The following PPP4R4 variants were observed in gnomAD, a reference collection of about 807,000 sequenced individuals.
PPP4R4 encodes protein phosphatase 4 regulatory subunit 4.
A neutral mutation model predicts 121.8 loss-of-function variants in PPP4R4; 70 were observed. The ratio of observed to expected loss-of-function variants is 0.57; its 90% CI spans 0.47 to 0.70. The LOEUF (loss-of-function observed/expected upper bound fraction) is 0.70, where lower values mean the gene tolerates loss of function less well. Among genes scored for constraint, PPP4R4 ranks in the 30% least tolerant of loss-of-function variants. The pLI is 0.00. For synonymous variants in PPP4R4, 348 were observed against 355.7 expected, an observed-to-expected ratio of 0.98 and a Z score of 0.24; for missense variants, 875 against 1,033.6, an observed-to-expected ratio of 0.85 and a Z score of 2.10.
intron 2 of PPP4R4, 79 bp from the exon 3 acceptor site, chr14:94,208,385 A>G (rs1488546715): frequency 4.0e-6 from 4 of 1,004,036 alleles, no homozygotes; most frequent in East Asian, 2.9e-5. Context: ...CATTTTTCCA[A>G]TTAGTCCATA....
At chr14:94,197,819 A>AT (rs980089863) in intron 2 of PPP4R4, among the ~76,000 whole-genome samples, 17 of 151,994 alleles carry the variant, frequency 1.1e-4, no homozygotes, top group South Asian at 2.1e-4. Context: ...CAGTAGTATT[A>AT]TTTTTTTTGT....
At chr14:94,208,358 T>C in intron 2 of PPP4R4, 106 bp from the exon 3 acceptor site, 2 of 729,530 alleles carry the variant, frequency 2.7e-6, no homozygotes, top group Non-Finnish European at 4.1e-6. Flanking sequence ...GTCTGAGTGC[T>C]TAACATTCAA....
chr14:94,241,677 C>A (rs1892643085), intron 9 of PPP4R4, 111 bp from the exon 10 acceptor site: 1 of 757,530 alleles, frequency 1.3e-6, no homozygotes, highest in South Asian at 2.1e-5. Context: ...GTATCTGTAA[C>A]CATTTATTTA....
In PPP4R4 at chr14:94,244,544, A is replaced by G. The variant is rs1197849440; in HGVS notation, c.1267-91A>G. 1.1e-5 allele frequency: 11 copies of G among 1,037,438 alleles called. No homozygotes were observed. In the Admixed American group the frequency reaches 1.6e-4, roughly 15 times the overall value. The allele number at this position is 1,037,438 out of a possible 1,614,324, so 64.3% of individuals were successfully genotyped here. ...AACATGGCTTTATTTTAGAAGAAAT[A>G]TATAACAAGGATGTATTTTTAAAAA... On this transcript the variant is annotated intron_variant, in intron 11 of 24. Transcript: ENST00000304338.
chr14:94,231,128 G>T, intron 4 of PPP4R4, 114 bp from the exon 5 acceptor site: 1 of 794,562 alleles, frequency 1.3e-6, no homozygotes, highest in South Asian at 2.6e-5. Context: ...GAATAGTAAT[G>T]AAAATAATTA....
At chr14:94,234,320 A>G (rs1892210640) in intron 6 of PPP4R4, among the ~76,000 whole-genome samples, 1 of 152,238 alleles carries the variant, frequency 6.6e-6, no homozygotes, top group Admixed American at 6.5e-5. Context: ...AGCTATAGAC[A>G]TTTCAACTGC....
chr14:94,218,693 ACGCG>A (rs1190953999), intron 3 of PPP4R4, among the ~76,000 whole-genome samples: 14 of 76,502 alleles, frequency 1.8e-4, no homozygotes, highest in African/African-American at 7.2e-4. Flanking sequence ...TAGACACTGC[ACGCG>A]CGCGCGCGCA....
At chr14:94,268,818 C>T (rs963183417) in intron 23 of PPP4R4, among the ~76,000 whole-genome samples, 1 of 152,082 alleles carries the variant, frequency 6.6e-6, no homozygotes, top group African/African-American at 2.4e-5. Context: ...CCCCATGATT[C>T]AGTTACCTCC....
chr14:94,241,386 C>T (rs994794244), intron 9 of PPP4R4, among the ~76,000 whole-genome samples: 1 of 151,988 alleles, frequency 6.6e-6, no homozygotes. Flanking sequence ...TAAGCTCCTT[C>T]CCTGCAGAGA....
At chr14:94,275,634 A>G in intron 24 of PPP4R4, 113 bp downstream of exon 24, 2 of 1,219,434 alleles carry the variant, frequency 1.6e-6, no homozygotes, top group Non-Finnish European at 2.3e-6. Context: ...TGATGAGAAA[A>G]TGTTATAAAT....
chr14:94,227,320 T>C (rs768456428), intron 3 of PPP4R4: 1 of 1,612,576 alleles, frequency 6.2e-7, no homozygotes, highest in South Asian at 1.1e-5. Flanking sequence ...ATCCAGAGAG[T>C]ATGGATCTCA....
Position 94,174,471 on chromosome 14 carries a change from TCCGCCGCCGCCCG to T in PPP4R4, c.14_26del (p.Pro5ArgfsTer36). ...GCGAGAGTGCCCGGCGGTCCATGCA[TCCGCCGCCGCCCG>T]CCGCCGCGATGGATTTCAGTCAGAA... On this transcript the variant is annotated frameshift_variant, in exon 1 of 25. Coordinates refer to ENST00000304338, the MANE Select transcript of PPP4R4 (RefSeq NM_058237.2). LOFTEE classifies it high-confidence loss of function. 3 of 1,601,950 alleles carry T rather than the reference TCCGCCGCCGCCCG, an allele frequency of 1.9e-6. No homozygotes were observed. The highest frequency in any genetic ancestry group is 2.6e-6 in the Non-Finnish European group (3 of 1,175,560).
At chr14:94,267,968 C>T (rs1283680541) in intron 23 of PPP4R4, among the ~76,000 whole-genome samples, 1 of 152,156 alleles carries the variant, frequency 6.6e-6, no homozygotes, top group Non-Finnish European at 1.5e-5. Flanking sequence ...CATCGACATT[C>T]ACGTACAGTA....
chr14:94,235,495 G>A, intron 7 of PPP4R4, among the ~76,000 whole-genome samples: 1 of 145,636 alleles, frequency 6.9e-6, no homozygotes, highest in East Asian at 2.1e-4. Flanking sequence ...CGCCTCCCAG[G>A]TTCATGCCAT....
intron 21 of PPP4R4, 109 bp from the exon 22 acceptor site, chr14:94,265,685 A>G: frequency 1.1e-6 from 1 of 916,262 alleles, no homozygotes. Flanking sequence ...AAAAAAGGCT[A>G]AAGCCATCTG....
intron 8 of PPP4R4, among the ~76,000 whole-genome samples, chr14:94,239,913 T>G (rs568248676): frequency 6.6e-6 from 1 of 152,298 alleles, no homozygotes; most frequent in East Asian, 1.9e-4. Context: ...TACAGTGTGT[T>G]GAATGAATGT....
intron 2 of PPP4R4, among the ~76,000 whole-genome samples, chr14:94,203,463 A>G (rs185834774): frequency 1.2e-3 from 189 of 152,056 alleles, no homozygotes; most frequent in Non-Finnish European, 1.0e-3. Context: ...AGGACATATC[A>G]TTGTTTTCAT....
At chr14:94,222,575 CT>C (rs71129676) in intron 3 of PPP4R4, among the ~76,000 whole-genome samples, 16 of 145,438 alleles carry the variant, frequency 1.1e-4, no homozygotes, top group East Asian at 6.0e-4. Flanking sequence ...CATTTGGAAT[CT>C]TTTTTTTTTT....
intron 7 of PPP4R4, among the ~76,000 whole-genome samples, chr14:94,235,422 G>T (rs1424318835): frequency 1.6e-5 from 2 of 123,926 alleles, no homozygotes; most frequent in East Asian, 2.3e-4. Context: ...TTTTTTGAGA[G>T]GGAGTCTCAC....
Sources: allele counts gnomAD v4.1 joint callset (sites outside exome capture counted in the v4.1 genomes callset), GRCh38; gene constraint gnomAD v4.1.1; transcripts MANE v1.5; gene names NCBI Gene and HGNC (gene_info 2026-07-23, HGNC 2026-07-21).